MORN5: variants seen among roughly 807,000 people sequenced by gnomAD.
MORN5 encodes MORN repeat containing 5.
MORN5 carries 21 observed loss-of-function variants against 22.1 expected under a neutral mutation model. The ratio of observed to expected loss-of-function variants is 0.95; its 90% CI spans 0.67 to 1.37. The LOEUF (loss-of-function observed/expected upper bound fraction) is 1.37, where lower values mean the gene tolerates loss of function less well. Among genes scored for constraint, MORN5 ranks in the 40% most tolerant of loss-of-function variants. The probability of loss-of-function intolerance (pLI) is 0.00; values close to 1 mark genes in which losing one functional copy is unlikely to be tolerated. For synonymous variants in MORN5, 73 were observed against 74.0 expected (o/e 0.99, Z 0.07); for missense variants, 211 against 215.1 (o/e 0.98, Z 0.12).
At chr9:122,189,469 A>G (rs1829711302) in intron 4 of MORN5, among the ~76,000 whole-genome samples, 1 of 152,138 alleles carries the variant, frequency 6.6e-6, no homozygotes, top group South Asian at 2.1e-4. Flanking sequence ...GGGTGGTGGC[A>G]CACCTGGAGT....
At chr9:122,161,899 C>T (rs955160302) in intron 1 of MORN5, among the ~76,000 whole-genome samples, 3 of 152,198 alleles carry the variant, frequency 2.0e-5, no homozygotes, top group Admixed American at 6.5e-5. Flanking sequence ...TCTGTAACCA[C>T]GATAGGGATT....
In MORN5 at chr9:122,195,968, A is replaced by ATATTTATTATTTATTTATTTATT. The variant is rs139271006; in HGVS notation, c.440-3909_440-3908insATTTATTTATTTATTTATTTATT. Among the ~76,000 whole-genome samples the ATATTTATTATTTATTTATTTATT allele has an allele frequency of 4.2e-3, 619 of 147,590 alleles. 7 individuals are homozygous for ATATTTATTATTTATTTATTTATT. The highest frequency in any genetic ancestry group is 0.015 in the African/African-American group (581 of 39,264). On this transcript the variant is annotated intron_variant, in intron 4 of 4. Coordinates refer to ENST00000373764, the MANE Select transcript of MORN5 (RefSeq NM_198469.4). Reference sequence around the variant, plus strand: ...TCTAGGAACCTAGAAATTTTGTTTTATATTTATTTATTTATTTATTTAGAG... The same window carrying ATATTTATTATTTATTTATTTATT: ...TCTAGGAACCTAGAAATTTTGTTTTATATTTATTATTTATTTATTTATTTATTTATTTATTTATTTATTTAGAG...
intron 4 of MORN5, among the ~76,000 whole-genome samples, chr9:122,190,552 T>C (rs1056803451): frequency 1.3e-5 from 2 of 152,264 alleles, no homozygotes. Flanking sequence ...TTTTTTTCTG[T>C]TTAGAGCCAA....
At chr9:122,168,293 C>T (rs569907037) in intron 2 of MORN5, among the ~76,000 whole-genome samples, 1 of 152,184 alleles carries the variant, frequency 6.6e-6, no homozygotes, top group East Asian at 1.9e-4. Flanking sequence ...TATAACTTAC[C>T]TAATCCAAGG....
At chr9:122,179,061 A>G (rs1829496658) in intron 4 of MORN5, among the ~76,000 whole-genome samples, 1 of 152,138 alleles carries the variant, frequency 6.6e-6, no homozygotes, top group Non-Finnish European at 1.5e-5. Context: ...AGAAAGATCT[A>G]CTCGGTAACC....
intron 4 of MORN5, among the ~76,000 whole-genome samples, chr9:122,191,976 C>T (rs1356772276): frequency 6.6e-6 from 1 of 152,246 alleles, no homozygotes; most frequent in African/African-American, 2.4e-5. Flanking sequence ...AGACCTATCA[C>T]AATGGTGATT....
intron 2 of MORN5, among the ~76,000 whole-genome samples, chr9:122,167,134 G>A (rs372813926): frequency 1.4e-5 from 2 of 144,904 alleles, no homozygotes; most frequent in South Asian, 2.2e-4. Flanking sequence ...TGCAACCTCC[G>A]CCTCCTGGGT....
At chr9:122,169,464 G>T (rs1041670203) in intron 2 of MORN5, among the ~76,000 whole-genome samples, 181 bp from the exon 3 acceptor site, 8 of 152,166 alleles carry the variant, frequency 5.3e-5, no homozygotes, top group African/African-American at 1.9e-4. Context: ...ACTTTGAGCG[G>T]CAGGGACAGG....
intron 4 of MORN5, among the ~76,000 whole-genome samples, chr9:122,196,287 C>T (rs566621290): frequency 4.7e-4 from 71 of 150,834 alleles, no homozygotes; most frequent in Non-Finnish European, 7.2e-4. Context: ...TAACAAAATG[C>T]GTGAAATTAC....
chr9:122,186,884 A>G (rs76409824), intron 4 of MORN5, among the ~76,000 whole-genome samples: 2,283 of 152,230 alleles, frequency 0.015, 62 homozygotes, highest in African/African-American at 0.051. Context: ...AGCACTGTTG[A>G]CTGAAACCCC....
At chr9:122,191,866 A>G (rs73553324) in intron 4 of MORN5, among the ~76,000 whole-genome samples, 30,297 of 152,220 alleles carry the variant, frequency 0.2, 3,941 homozygotes, top group African/African-American at 0.38. Context: ...CTCCTCCCGC[A>G]GGCTCCCCCT....
In MORN5 at chr9:122,197,590, G is replaced by T. The variant is rs1458271455; in HGVS notation, c.440-2295G>T. Among the ~76,000 whole-genome samples the T allele has an allele frequency of 6.6e-6, 1 of 152,182 alleles. No homozygotes were observed. Among genetic ancestry groups the T allele is most frequent in the Non-Finnish European group, 1.5e-5 (1 of 68,026 alleles). ...GCATCTGTGATTCAAATTGGTGGCT[G>T]TACAGCCAGGTAGAGAGTGAAAGGG... On this transcript the variant is annotated intron_variant, in intron 4 of 4. Transcript: ENST00000373764. This position sits in a 1 kb window ranked among gnomAD's most constrained non-coding sequence, Gnocchi z 5.7.
intron 1 of MORN5, among the ~76,000 whole-genome samples, chr9:122,161,756 A>G (rs765685209): frequency 2.0e-5 from 3 of 152,206 alleles, no homozygotes; most frequent in South Asian, 2.1e-4. Context: ...CACACAGACA[A>G]GGTAAAAGAC....
chr9:122,168,903 C>CT (rs1488898951), intron 2 of MORN5, among the ~76,000 whole-genome samples: 1 of 152,070 alleles, frequency 6.6e-6, no homozygotes, highest in Non-Finnish European at 1.5e-5. Flanking sequence ...CCTCTGCAAC[C>CT]TGGAGGCCCA....
chr9:122,169,736 T>C lies in MORN5; in HGVS notation c.287T>C (p.Leu96Pro). 6.2e-7 allele frequency: 1 copy of C among 1,613,598 alleles called. No individual in the cohort carries two copies. Among genetic ancestry groups the C allele is most frequent in the Non-Finnish European group, 8.5e-7 (1 of 1,179,490 alleles). Reference sequence around the variant, plus strand: ...GATCGGAGGTTTTACACAGAGATCCTCAATGGCTTGAAGCCTGCAGGTACC... The same window carrying C: ...GATCGGAGGTTTTACACAGAGATCCCCAATGGCTTGAAGCCTGCAGGTACC... ...GYDRRFYTEI[L>P]NGLKPAGMAQ... Residue 96 changes from leucine (L) to proline (P), a missense_variant, in exon 3 of 5, where the codon CTC becomes CCC. By Grantham distance (98) the Leu-to-Pro change is moderately conservative. Transcript: ENST00000373764.
intron 4 of MORN5, among the ~76,000 whole-genome samples, chr9:122,176,037 G>A (rs1829446410): frequency 1.3e-5 from 2 of 150,178 alleles, no homozygotes; most frequent in South Asian, 4.2e-4. Flanking sequence ...AGAATGGCGT[G>A]AACCCGGGAG....
chr9:122,185,372 A>G (rs556231510), intron 4 of MORN5, among the ~76,000 whole-genome samples: 37 of 141,934 alleles, frequency 2.6e-4, no homozygotes, highest in East Asian at 4.2e-4. Flanking sequence ...ACAGGCGCCC[A>G]CCACCATGCC....
intron 4 of MORN5, among the ~76,000 whole-genome samples, chr9:122,186,653 C>A (rs182917624): frequency 6.6e-6 from 1 of 152,280 alleles, no homozygotes; most frequent in Admixed American, 6.5e-5. Context: ...AGCCATGGTG[C>A]CCATCAGATT....
intron 3 of MORN5, among the ~76,000 whole-genome samples, chr9:122,172,254 C>A (rs7874549): frequency 0.41 from 61,240 of 151,130 alleles, 13,902 homozygotes; most frequent in Middle Eastern, 0.53. Context: ...AGCCACCATG[C>A]CCGGCCGCTT....
Sources: gnomAD v4.1 joint callset for allele counts (sites outside exome capture counted in the v4.1 genomes callset) on GRCh38, gnomAD v4.1.1 for gene constraint, Gnocchi (gnomAD v3.1) non-coding constraint, MANE v1.5 for transcripts, NCBI Gene and HGNC (gene_info 2026-07-23, HGNC 2026-07-21) for gene names.